The following PTPRN2 variants were observed in gnomAD, a reference collection of about 807,000 sequenced individuals.
The protein encoded by PTPRN2 is receptor-type tyrosine-protein phosphatase N2.
PTPRN2 carries 74 observed loss-of-function variants against 118.8 expected under a neutral mutation model. The ratio of observed to expected loss-of-function variants is 0.62; its 90% CI spans 0.52 to 0.76. The LOEUF (loss-of-function observed/expected upper bound fraction) is 0.76, where lower values mean the gene tolerates loss of function less well. Among genes scored for constraint, PTPRN2 ranks in the 30% least tolerant of loss-of-function variants. The pLI, the probability that PTPRN2 is intolerant of heterozygous loss-of-function variation, is 0.00. For synonymous variants in PTPRN2, 641 were observed against 608.0 expected (o/e 1.05, Z -0.80); for missense variants, 1,481 against 1,394.4 (o/e 1.06, Z -0.99).
At chr7:158,357,523 G>A (rs1194234000) in intron 2 of PTPRN2, among the ~76,000 whole-genome samples, 3 of 152,220 alleles carry the variant, frequency 2.0e-5, no homozygotes, top group Admixed American at 2.0e-4. Context: ...TGGCCTTCAG[G>A]GTGCTGGGCA....
chr7:158,199,289 C>G (rs1447772829), intron 4 of PTPRN2, among the ~76,000 whole-genome samples: 1 of 152,176 alleles, frequency 6.6e-6, no homozygotes, highest in African/African-American at 2.4e-5. Context: ...TTCCTGGTGA[C>G]CCCTTAGGTG....
intron 11 of PTPRN2, among the ~76,000 whole-genome samples, chr7:158,072,553 C>T (rs1812027093): frequency 6.6e-6 from 1 of 152,162 alleles, no homozygotes. Flanking sequence ...ATGCTGGTCC[C>T]AAGTGCTCAG....
At chr7:157,950,485 G>A (rs1800740655) in intron 11 of PTPRN2, among the ~76,000 whole-genome samples, 2 of 152,148 alleles carry the variant, frequency 1.3e-5, no homozygotes, top group African/African-American at 2.4e-5. Flanking sequence ...TATTTGGGTG[G>A]GTCAAATGCT....
At chr7:157,725,196 ACG>A in intron 12 of PTPRN2, among the ~76,000 whole-genome samples, 1 of 150,836 alleles carries the variant, frequency 6.6e-6, no homozygotes, top group African/African-American at 2.5e-5. Flanking sequence ...GGATATCCAC[ACG>A]CAGAGGACTG....
chr7:158,489,120 C>T (rs908243899), intron 2 of PTPRN2, among the ~76,000 whole-genome samples: 2 of 152,240 alleles, frequency 1.3e-5, no homozygotes, highest in African/African-American at 2.4e-5. Flanking sequence ...TTCTTATCCG[C>T]CTGATAAGAG....
At chr7:158,284,001 C>T (rs930089860) in intron 3 of PTPRN2, among the ~76,000 whole-genome samples, 9 of 152,190 alleles carry the variant, frequency 5.9e-5, no homozygotes, top group South Asian at 2.1e-4. Flanking sequence ...TCAGATCACA[C>T]GTTAATCAAT....
chr7:157,772,218 GAC>G, intron 12 of PTPRN2, among the ~76,000 whole-genome samples: 1 of 143,178 alleles, frequency 7.0e-6, no homozygotes. Context: ...GACACACATA[GAC>G]ACAGACACAC....
intron 12 of PTPRN2, chr7:157,857,382 C>T (rs1275612740): frequency 2.0e-5 from 3 of 152,232 alleles, no homozygotes; most frequent in African/African-American, 7.2e-5. Context: ...GGAGCATCCC[C>T]TAGGGAGGAG....
At chr7:157,711,452 G>A (rs113879133) in intron 12 of PTPRN2, among the ~76,000 whole-genome samples, 1 of 46,246 alleles carries the variant, frequency 2.2e-5, no homozygotes, top group Non-Finnish European at 7.5e-5. Context: ...CCGGAGGTCC[G>A]GTTTGTGCAC....
intron 14 of PTPRN2, among the ~76,000 whole-genome samples, chr7:157,653,305 C>T (rs1805798822): frequency 6.6e-6 from 1 of 152,178 alleles, no homozygotes; most frequent in African/African-American, 2.4e-5. Context: ...ATCTGACCAT[C>T]CTGCCATCCT....
chr7:158,328,103 A>C (rs1689847795), intron 2 of PTPRN2, among the ~76,000 whole-genome samples: 1 of 152,176 alleles, frequency 6.6e-6, no homozygotes, highest in African/African-American at 2.4e-5. Context: ...GAAGCTGTAA[A>C]AGTGCTCCCA....
chr7:158,244,447 T>C (rs1460636884), intron 3 of PTPRN2, among the ~76,000 whole-genome samples: 2 of 152,106 alleles, frequency 1.3e-5, no homozygotes, highest in Non-Finnish European at 2.9e-5. Context: ...TTTGCGTGAG[T>C]GTGAATGAGC....
chr7:158,309,861 A>G (rs2151070380), intron 3 of PTPRN2, among the ~76,000 whole-genome samples: 1 of 152,336 alleles, frequency 6.6e-6, no homozygotes, highest in South Asian at 2.1e-4. Flanking sequence ...CCAGTGTGAC[A>G]GCATTAGGAG....
chr7:157,664,808 G>A (rs1796057278), intron 13 of PTPRN2, among the ~76,000 whole-genome samples: 1 of 152,172 alleles, frequency 6.6e-6, no homozygotes, highest in South Asian at 2.1e-4. Flanking sequence ...CATTTTATTT[G>A]AGCAAAAGAT....
At chr7:158,260,340 C>T (rs1054419980) in intron 3 of PTPRN2, among the ~76,000 whole-genome samples, 2 of 152,206 alleles carry the variant, frequency 1.3e-5, no homozygotes, top group Non-Finnish European at 2.9e-5. Context: ...TCTCAGCACA[C>T]AGCTCAAATG....
Position 157,977,503 on chromosome 7 carries a change from C to T in PTPRN2, c.1724-78766G>A, listed in dbSNP as rs1249424096. On this transcript the variant is annotated intron_variant, in intron 11 of 22. Coordinates refer to ENST00000389418, the MANE Select transcript of PTPRN2 (RefSeq NM_002847.5). The surrounding 1 kb of genome is among the most constrained non-coding windows in gnomAD (Gnocchi z 4.6). ...GGATTGTGCCTGGCAGGTGGAGGGC[C>T]CAGAGCGTGCAAGGCCCCAGGTGGG... 6.6e-6 allele frequency among the ~76,000 whole-genome samples: 1 copy of T among 151,656 alleles called. No homozygotes were observed. The highest frequency in any genetic ancestry group is 1.5e-5 in the Non-Finnish European group (1 of 67,876).
At chr7:158,404,835 C>CT (rs1348165564) in intron 2 of PTPRN2, among the ~76,000 whole-genome samples, 29 of 131,510 alleles carry the variant, frequency 2.2e-4, no homozygotes, top group African/African-American at 8.2e-4. Context: ...GCTCCCCGGC[C>CT]CCAGCTCCCC....
intron 12 of PTPRN2, among the ~76,000 whole-genome samples, chr7:157,733,404 C>T: frequency 1.2e-5 from 1 of 83,192 alleles, no homozygotes. Flanking sequence ...ACCCTTCCAC[C>T]CCATGCGCCC....
intron 17 of PTPRN2, 24 bp downstream of exon 17, chr7:157,595,214 A>G: frequency 6.2e-7 from 1 of 1,608,932 alleles, no homozygotes; most frequent in Non-Finnish European, 8.5e-7. Context: ...TCAGAAAGAG[A>G]GATTTTAATT....
Sources: allele counts gnomAD v4.1 joint callset (sites outside exome capture counted in the v4.1 genomes callset), GRCh38; gene constraint gnomAD v4.1.1; non-coding constraint Gnocchi (gnomAD v3.1); transcripts MANE v1.5; gene names NCBI Gene and HGNC (gene_info 2026-07-23, HGNC 2026-07-21).